ANKRD62: variants seen among roughly 807,000 people sequenced by gnomAD.
ANKRD62 encodes ankyrin repeat domain-containing protein 62.
Under a neutral mutation model 98.8 loss-of-function variants are expected in ANKRD62, and 61 were observed. The ratio of observed to expected loss-of-function variants is 0.62; its 90% CI spans 0.50 to 0.76. The LOEUF is 0.76. Ranked by LOEUF, ANKRD62 falls within the 30% of genes least tolerant of loss-of-function variation. The pLI, the probability that ANKRD62 is intolerant of heterozygous loss-of-function variation, is 0.00. For synonymous variants in ANKRD62, 341 were observed against 367.9 expected, an observed-to-expected ratio of 0.93 and a Z score of 0.84; for missense variants, 933 against 1,082.9, an observed-to-expected ratio of 0.86 and a Z score of 1.94.
chr18:12,093,946 G>C lies in ANKRD62; in HGVS notation c.-72G>C. 3 of 1,445,576 alleles carry C rather than the reference G, an allele frequency of 2.1e-6. No individual in the cohort carries two copies. Among genetic ancestry groups the C allele is most frequent in the East Asian group, 2.5e-5 (1 of 40,058 alleles). The allele number at this position is 1,445,576 out of a possible 1,614,324, so 89.5% of individuals were successfully genotyped here. A position where few individuals can be genotyped will look rare whatever the true frequency, so the allele number is the denominator to read the frequency against. On this transcript the variant is annotated 5_prime_UTR_variant, in exon 1 of 14. Coordinates refer to ENST00000587848, the MANE Select transcript of ANKRD62 (RefSeq NM_001277333.2). ...ACGTGCTGGTGCTGCGCTCCAGAGA[G>C]GCAGAAAACGAGTGGGAGCTGAGGT...
the ANKRD62 span, among the ~76,000 whole-genome samples, chr18:12,137,216 T>C: frequency 0.21 from 31,613 of 152,174 alleles, 4,246 homozygotes; most frequent in East Asian, 0.54. Context: ...TTTTGAGATA[T>C]GTCCCATCAA....
intron 10 of ANKRD62, among the ~76,000 whole-genome samples, chr18:12,120,487 A>G (rs1909761252): frequency 6.6e-6 from 1 of 152,200 alleles, no homozygotes; most frequent in African/African-American, 2.4e-5. Context: ...GTTAGCACGT[A>G]TCTTTTTCTA....
the ANKRD62 span, among the ~76,000 whole-genome samples, chr18:12,137,738 T>C: frequency 1.4e-4 from 21 of 152,244 alleles, no homozygotes; most frequent in Non-Finnish European, 1.5e-4. Context: ...CTGCTATTGG[T>C]CTATTCAGAG....
the ANKRD62 span, among the ~76,000 whole-genome samples, chr18:12,150,490 C>T: frequency 1.3e-5 from 2 of 152,108 alleles, no homozygotes; most frequent in Admixed American, 6.5e-5. Flanking sequence ...ATCCCCAAGA[C>T]ATATAATCAT....
At chr18:12,145,939 A>G in the ANKRD62 span, among the ~76,000 whole-genome samples, 1 of 150,654 alleles carries the variant, frequency 6.6e-6, no homozygotes, top group African/African-American at 2.4e-5. Context: ...GACCTCCCAA[A>G]TGGGGTCTCC....
At chr18:12,177,758 C>T in the ANKRD62 span, among the ~76,000 whole-genome samples, 37 of 149,020 alleles carry the variant, frequency 2.5e-4, 1 homozygote, top group African/African-American at 9.4e-4. Context: ...CAGGAATGTG[C>T]TTTCATGAGA....
In ANKRD62 at chr18:12,125,685, A is replaced by G; in HGVS notation, c.1864A>G (p.Ser622Gly). Reference sequence around the variant, plus strand: ...ATTAACAAAAACAATAACCCGGTATAGTAAAGAGCTTAATGTTCTGATGGA... The same window carrying G: ...ATTAACAAAAACAATAACCCGGTATGGTAAAGAGCTTAATGTTCTGATGGA... ...EALTKTITRYSKELNVLMDEN... is the reference protein window; with the variant it reads ...EALTKTITRYGKELNVLMDEN... The change falls in exon 13 of 14, where the codon AGT (serine) becomes GGT (glycine). Residue 622 changes from serine to glycine, a missense_variant. By Grantham distance (56) the Ser-to-Gly change is moderately conservative. Transcript: ENST00000587848. The G allele has an allele frequency of 6.5e-7, 1 of 1,538,254 alleles. No homozygotes were observed. The highest frequency in any genetic ancestry group is 8.7e-7 in the Non-Finnish European group (1 of 1,146,730).
the ANKRD62 span, among the ~76,000 whole-genome samples, chr18:12,151,592 A>G: frequency 6.6e-6 from 1 of 152,116 alleles, no homozygotes; most frequent in Non-Finnish European, 1.5e-5. Context: ...TTGAACCACA[A>G]CACAATAAAA....
At chr18:12,118,574 A>C (rs960012165) in intron 10 of ANKRD62, among the ~76,000 whole-genome samples, 2 of 148,666 alleles carry the variant, frequency 1.3e-5, no homozygotes. Context: ...GTGTCATCGC[A>C]CTCCAGTCTC....
chr18:12,136,393 A>G, the ANKRD62 span, among the ~76,000 whole-genome samples: 4 of 152,134 alleles, frequency 2.6e-5, no homozygotes, highest in Admixed American at 6.5e-5. Flanking sequence ...GTTCTTTTCC[A>G]TTGGTCTATA....
chr18:12,130,622 T>A (rs1909988432), downstream of ANKRD62, among the ~76,000 whole-genome samples: 1 of 152,188 alleles, frequency 6.6e-6, no homozygotes. Context: ...CATTTATGTT[T>A]CATATATACC....
intron 10 of ANKRD62, among the ~76,000 whole-genome samples, chr18:12,119,034 C>T (rs764658910): frequency 3.9e-5 from 6 of 152,100 alleles, no homozygotes; most frequent in Admixed American, 6.5e-5. Context: ...TTTTCTAGGA[C>T]GGTCCTCAGC....
At chr18:12,162,689 G>A in the ANKRD62 span, among the ~76,000 whole-genome samples, 5 of 151,996 alleles carry the variant, frequency 3.3e-5, no homozygotes, top group Non-Finnish European at 7.4e-5. Context: ...TTTGATTTTT[G>A]TATATGGCAA....
intron 8 of ANKRD62, among the ~76,000 whole-genome samples, chr18:12,113,394 G>A (rs977406134): frequency 6.6e-6 from 1 of 152,158 alleles, no homozygotes; most frequent in Non-Finnish European, 1.5e-5. Flanking sequence ...TTGGGAGACC[G>A]AGGCAGATGA....
Position 12,122,316 on chromosome 18 carries a change from A to G in ANKRD62, c.1254A>G (p.Leu418=), listed in dbSNP as rs944120245. Residue 418 remains leucine, a synonymous_variant, in exon 11 of 14, where the codon CTA becomes CTG. Coordinates refer to ENST00000587848, the MANE Select transcript of ANKRD62 (RefSeq NM_001277333.2). The part of the protein sequence containing the change: ...SGMECKDFVS[L]SKSKNATAAC... ...TCCTGGTAACAGATTTTGTTAGCCT[A>G]TCGAAAAGCAAGAATGCAACAGCTG... 3.5e-5 allele frequency: 53 copies of G among 1,534,178 alleles called. No homozygotes were observed. Among genetic ancestry groups the G allele is most frequent in the Non-Finnish European group, 4.2e-5 (48 of 1,146,424 alleles).
chr18:12,116,941 T>G (rs1228385010), intron 10 of ANKRD62, among the ~76,000 whole-genome samples: 2 of 152,210 alleles, frequency 1.3e-5, no homozygotes, highest in African/African-American at 2.4e-5. Flanking sequence ...TCAGTAATAT[T>G]TTGTAGTTTT....
Position 12,097,796 on chromosome 18 carries a change from A to G in ANKRD62, c.752+19A>G. On this transcript the variant is annotated intron_variant, in intron 5 of 13. Transcript: ENST00000587848. ...TTCAAGCGTAAGTGTTAAAAAGGCT[A>G]GTGAACACTAAATTGAGGTTTAAAG... is the stretch of plus-strand genomic sequence containing the variant. 3.9e-6 allele frequency: 6 copies of G among 1,533,908 alleles called. No individual in the cohort carries two copies. Among genetic ancestry groups the G allele is most frequent in the Non-Finnish European group, 5.2e-6 (6 of 1,144,248 alleles).
rs1244000744 is a variant in ANKRD62, at chr18:12,125,680, G to A, written c.1859G>A (p.Arg620Gln). Reference protein sequence around the residue: ...NEEALTKTITRYSKELNVLMD... With the variant: ...NEEALTKTITQYSKELNVLMD... ...GAAGCATTAACAAAAACAATAACCCGGTATAGTAAAGAGCTTAATGTTCTG... is the reference window on the plus strand; with the variant it reads ...GAAGCATTAACAAAAACAATAACCCAGTATAGTAAAGAGCTTAATGTTCTG... Residue 620 changes from arginine (R) to glutamine (Q), a missense_variant, in exon 13 of 14, where the codon CGG becomes CAG. This residue lies in a region of ANKRD62 where 362 missense variants were observed against 434.5 expected (regional missense o/e 0.83). Coordinates refer to ENST00000587848, the MANE Select transcript of ANKRD62 (RefSeq NM_001277333.2). The A allele has an allele frequency of 1.4e-5, 21 of 1,537,220 alleles. No individual in the cohort carries two copies. The highest frequency in any genetic ancestry group is 4.8e-5 in the South Asian group (4 of 83,944).
intron 10 of ANKRD62, among the ~76,000 whole-genome samples, chr18:12,118,918 T>A (rs1356192251): frequency 6.6e-6 from 1 of 152,144 alleles, no homozygotes; most frequent in Non-Finnish European, 1.5e-5. Context: ...TGAGTTGGGG[T>A]GTACTCTTTT....
Sources: allele counts gnomAD v4.1 joint callset (sites outside exome capture counted in the v4.1 genomes callset), GRCh38; gene constraint gnomAD v4.1.1; regional missense constraint gnomAD v4.1.1; transcripts MANE v1.5; gene names NCBI Gene and HGNC (gene_info 2026-07-23, HGNC 2026-07-21).